PDE7B: variants seen among roughly 807,000 people sequenced by gnomAD.
PDE7B encodes the protein phosphodiesterase 7B.
PDE7B carries 29 observed loss-of-function variants against 56.2 expected under a neutral mutation model. The observed-to-expected ratio is 0.52, with a 90% confidence interval of 0.38 to 0.70. The LOEUF is 0.70. PDE7B is among the 30% of genes least tolerant of loss of function. PDE7B has a pLI of 0.00. For synonymous variants in PDE7B, 197 were observed against 196.9 expected (o/e 1.00, Z 0.00); for missense variants, 490 against 565.0 (o/e 0.87, Z 1.35).
At chr6:136,044,767 A>T (rs1392202582) in intron 2 of PDE7B, 1 of 152,190 alleles carries the variant, frequency 6.6e-6, no homozygotes, top group East Asian at 1.9e-4. Flanking sequence ...TCTTCTACAG[A>T]TAACAGTCTG....
At chr6:135,924,092 C>T (rs1022573986) in intron 1 of PDE7B, among the ~76,000 whole-genome samples, 11 of 152,042 alleles carry the variant, frequency 7.2e-5, no homozygotes, top group African/African-American at 2.4e-4. Flanking sequence ...CATTCAATTC[C>T]GGCCAAAATT....
intron 4 of PDE7B, among the ~76,000 whole-genome samples, chr6:136,148,274 T>G (rs1778449666): frequency 6.6e-6 from 1 of 151,758 alleles, no homozygotes; most frequent in Non-Finnish European, 1.5e-5. Context: ...CAGGATTGCT[T>G]AAGCTCAGGA....
intron 2 of PDE7B, among the ~76,000 whole-genome samples, chr6:135,990,603 G>A (rs970570200): frequency 6.6e-6 from 1 of 152,176 alleles, no homozygotes; most frequent in Non-Finnish European, 1.5e-5. Context: ...TATAGAAATA[G>A]CAGCTGTTTT....
Position 136,187,083 on chromosome 6 carries a change from C to G in PDE7B, c.1093C>G (p.Gln365Glu). The G allele has an allele frequency of 6.3e-7, 1 of 1,585,346 alleles. No individual in the cohort carries two copies. Among genetic ancestry groups the G allele is most frequent in the Non-Finnish European group, 8.7e-7 (1 of 1,155,120 alleles). ...FELEISPLCN[Q>E]QKDSIPSIQI... is the part of the protein sequence containing the mutation. ...ACTGGAAATCAGTCCTCTTTGTAAT[C>G]AACAGAAAGATTCCATCCCTAGTAT... The change falls in exon 12 of 13, where the codon CAA becomes GAA. Residue 365 changes from glutamine (Q) to glutamate (E), a missense_variant. Coordinates refer to ENST00000308191, the MANE Select transcript of PDE7B (RefSeq NM_018945.4).
At chr6:136,061,249 C>T (rs1022903280) in intron 2 of PDE7B, among the ~76,000 whole-genome samples, 1 of 152,042 alleles carries the variant, frequency 6.6e-6, no homozygotes, top group Non-Finnish European at 1.5e-5. Flanking sequence ...TCTCATCTGG[C>T]TGATATATTG....
intron 2 of PDE7B, among the ~76,000 whole-genome samples, chr6:136,021,215 A>G (rs1776064908): frequency 6.6e-6 from 1 of 152,188 alleles, no homozygotes; most frequent in Non-Finnish European, 1.5e-5. Context: ...ATCATTCCAA[A>G]CTTAAAATAT....
intron 2 of PDE7B, among the ~76,000 whole-genome samples, chr6:136,057,086 T>C (rs1431225664): frequency 2.0e-5 from 3 of 152,220 alleles, no homozygotes; most frequent in African/African-American, 7.2e-5. Flanking sequence ...TGTGGTGCGA[T>C]TGTGAAGGTT....
intron 2 of PDE7B, among the ~76,000 whole-genome samples, chr6:136,003,132 A>G (rs1775705382): frequency 6.6e-6 from 1 of 152,246 alleles, no homozygotes; most frequent in South Asian, 2.1e-4. Context: ...AGGTAGAAAT[A>G]AAGATGTCCT....
chr6:136,136,125 A>G (rs557098622), intron 3 of PDE7B, among the ~76,000 whole-genome samples: 3 of 152,268 alleles, frequency 2.0e-5, no homozygotes, highest in African/African-American at 7.2e-5. Flanking sequence ...ACCCTGAACT[A>G]GTAGAATGTG....
intron 3 of PDE7B, 79 bp from the exon 4 acceptor site, chr6:136,147,272 A>G (rs535514950): frequency 5.8e-6 from 5 of 855,556 alleles, no homozygotes; most frequent in African/African-American, 5.0e-5. Flanking sequence ...TCTTCTTTTA[A>G]TGCATTTATT....
chr6:136,088,811 T>G (rs538747582), intron 2 of PDE7B, among the ~76,000 whole-genome samples: 1 of 152,012 alleles, frequency 6.6e-6, no homozygotes, highest in South Asian at 2.1e-4. Flanking sequence ...TCGTACACTT[T>G]AAATGAGTGA....
chr6:135,878,368 T>G (rs1345074729), intron 1 of PDE7B, among the ~76,000 whole-genome samples: 4 of 152,202 alleles, frequency 2.6e-5, no homozygotes, highest in Non-Finnish European at 4.4e-5. Context: ...AATATTTTAA[T>G]GTACACTTTA....
intron 2 of PDE7B, among the ~76,000 whole-genome samples, chr6:136,056,512 CTTTTTTTTTTTTTTTTTTTTTTTT>C (rs542232291): frequency 5.6e-5 from 3 of 53,904 alleles, no homozygotes; most frequent in South Asian, 6.1e-4. Flanking sequence ...AGATAGAATC[CTTTTTTTTTTTTTTTTTTTTTTTT>C]TTTTTTTTTT....
intron 2 of PDE7B, among the ~76,000 whole-genome samples, chr6:136,079,601 A>G (rs1325259974): frequency 6.6e-6 from 1 of 151,802 alleles, no homozygotes; most frequent in Non-Finnish European, 1.5e-5. Flanking sequence ...CTGAGGTTTT[A>G]TTTATACACC....
At chr6:136,036,971 C>T (rs903651659) in intron 2 of PDE7B, among the ~76,000 whole-genome samples, 1 of 152,212 alleles carries the variant, frequency 6.6e-6, no homozygotes, top group African/African-American at 2.4e-5. Context: ...CAGGGGGCAT[C>T]GCCTTTTGTT....
rs1006907569 is a variant in PDE7B, at chr6:136,177,537, T to C, written c.804-1460T>C. 4.6e-5 allele frequency among the ~76,000 whole-genome samples: 7 copies of C among 152,214 alleles called. No homozygotes were observed. In the South Asian group the frequency reaches 1.2e-3, roughly 27 times the overall value. Reference sequence around the variant, plus strand: ...GAAGTACAAATGGCCAATAAAGACATGAAAATATGTCTAGCCTCATTAGTA... The same window carrying C: ...GAAGTACAAATGGCCAATAAAGACACGAAAATATGTCTAGCCTCATTAGTA... On this transcript the variant is annotated intron_variant, in intron 9 of 12. Coordinates refer to ENST00000308191, the MANE Select transcript of PDE7B (RefSeq NM_018945.4).
At chr6:136,033,593 C>G (rs1776278779) in intron 2 of PDE7B, among the ~76,000 whole-genome samples, 1 of 152,180 alleles carries the variant, frequency 6.6e-6, no homozygotes, top group Admixed American at 6.6e-5. Flanking sequence ...CTTCGCCCCA[C>G]CTGTCTTTCC....
chr6:136,116,222 G>T (rs1398095080), intron 3 of PDE7B, among the ~76,000 whole-genome samples: 1 of 152,218 alleles, frequency 6.6e-6, no homozygotes, highest in Non-Finnish European at 1.5e-5. Context: ...TTGCCTATAA[G>T]GGAGACTGAC....
Position 136,017,545 on chromosome 6 carries a change from G to A in PDE7B, c.82+70021G>A, listed in dbSNP as rs1195753738. On this transcript the variant is annotated intron_variant, in intron 2 of 12. Transcript: ENST00000308191. Reference sequence around the variant, plus strand: ...GTGATGTTCCCCTTCTTGTGTCCATGTGTTCTCATTGTTCAATTCCCACCT... The same window carrying A: ...GTGATGTTCCCCTTCTTGTGTCCATATGTTCTCATTGTTCAATTCCCACCT... Among the ~76,000 whole-genome samples, 6 of 138,270 alleles carry A rather than the reference G, an allele frequency of 4.3e-5. No homozygotes were observed. In the East Asian group the frequency reaches 1.1e-3, roughly 24 times the overall value. 90.7% of individuals were successfully genotyped at this position (138,270 alleles called of 152,430 possible). A position where few individuals can be genotyped will look rare whatever the true frequency, so the allele number is the denominator to read the frequency against.
Sources: gnomAD v4.1 joint callset for allele counts (sites outside exome capture counted in the v4.1 genomes callset) on GRCh38, gnomAD v4.1.1 for gene constraint, MANE v1.5 for transcripts, NCBI Gene and HGNC (gene_info 2026-07-23, HGNC 2026-07-21) for gene names.